Variants in SNTA1 observed in about 807,000 individuals in gnomAD.
SNTA1 encodes alpha-1-syntrophin.
Under a neutral mutation model 47.1 loss-of-function variants are expected in SNTA1, and 31 were observed. The ratio of observed to expected loss-of-function variants is 0.66; its 90% CI spans 0.49 to 0.89. SNTA1 has a LOEUF of 0.89. Ranked by LOEUF, SNTA1 falls within the 40% of genes least tolerant of loss-of-function variation. The pLI, the probability that SNTA1 is intolerant of heterozygous loss-of-function variation, is 0.00. For missense variants in SNTA1, 575 were observed against 693.0 expected (o/e 0.83, Z 1.91); for synonymous variants, 300 against 313.6 (o/e 0.96, Z 0.46).
intron 2 of SNTA1, among the ~76,000 whole-genome samples, chr20:33,435,336 G>A (rs1042676487): frequency 4.0e-5 from 6 of 149,850 alleles, no homozygotes; most frequent in African/African-American, 4.9e-5. Context: ...GGTGGCTCAC[G>A]TCTGTAATCC....
chr20:33,430,669 C>T (rs1025052299), intron 2 of SNTA1, among the ~76,000 whole-genome samples: 1 of 151,698 alleles, frequency 6.6e-6, no homozygotes, highest in South Asian at 2.1e-4. Context: ...GAGTTTTCGC[C>T]GGGCGCAGTG....
At chr20:33,413,042 GCT>G (rs1989784048) in intron 3 of SNTA1, among the ~76,000 whole-genome samples, 1 of 152,126 alleles carries the variant, frequency 6.6e-6, no homozygotes. Context: ...ACAGAGCCTC[GCT>G]CTGTCACCCA....
At chr20:33,419,308 A>G (rs1381376596) in intron 2 of SNTA1, among the ~76,000 whole-genome samples, 2 of 152,136 alleles carry the variant, frequency 1.3e-5, no homozygotes, top group African/African-American at 4.8e-5. Context: ...CTGTGAGTGG[A>G]CAGCCCAGGA....
intron 2 of SNTA1, among the ~76,000 whole-genome samples, chr20:33,436,888 C>A (rs1201635204): frequency 6.6e-6 from 1 of 150,920 alleles, no homozygotes; most frequent in South Asian, 2.1e-4. Flanking sequence ...ATCGCTTGAA[C>A]CTGGAAGGCG....
rs201913376 is a variant in SNTA1 at position 33,412,334 on chromosome 20, C to G, written c.1002G>C (p.Leu334=). ...YLSLPETREA[L]SRPARTAPLI... ...GTGGGGCAGTACGGGCTGGCCGGCT[C>G]AGGGCCTCGCGGGTCTCGGGGAGAG... Residue 334 remains leucine, a synonymous_variant, in exon 5 of 8, where the codon CTG becomes CTC. Transcript: ENST00000217381. 2 of 1,612,082 alleles carry G rather than the reference C, an allele frequency of 1.2e-6. No homozygotes were observed. The highest frequency in any genetic ancestry group is 4.5e-5 in the East Asian group (2 of 44,842).
chr20:33,416,387 A>T (rs753152870), intron 3 of SNTA1, among the ~76,000 whole-genome samples: 28 of 152,242 alleles, frequency 1.8e-4, no homozygotes, highest in Non-Finnish European at 2.9e-4. Context: ...CCATTTAGCC[A>T]CCACCATCAC....
intron 2 of SNTA1, among the ~76,000 whole-genome samples, chr20:33,418,830 A>G (rs1600845809): frequency 7.5e-6 from 1 of 133,512 alleles, no homozygotes; most frequent in Non-Finnish European, 1.5e-5. Flanking sequence ...AAAGACTCCC[A>G]GGCTGGGCAT....
chr20:33,434,715 T>C (rs1443249372), intron 2 of SNTA1, among the ~76,000 whole-genome samples: 1 of 151,760 alleles, frequency 6.6e-6, no homozygotes, highest in Non-Finnish European at 1.5e-5. Flanking sequence ...TTTTTTTTTT[T>C]CCTACAGAGA....
intron 2 of SNTA1, among the ~76,000 whole-genome samples, chr20:33,427,837 T>A (rs904566806): frequency 6.6e-6 from 1 of 152,128 alleles, no homozygotes; most frequent in African/African-American, 2.4e-5. Context: ...AGCTATATCC[T>A]TGGTGCCTGC....
chr20:33,436,353 T>C (rs1490349865), intron 2 of SNTA1, among the ~76,000 whole-genome samples: 1 of 152,172 alleles, frequency 6.6e-6, no homozygotes, highest in East Asian at 1.9e-4. Context: ...AAATATGACA[T>C]TTCGATGAAT....
At position 33,420,299 on chromosome 20, in the gene SNTA1, G is replaced by A. The variant is rs116831294; in HGVS notation, c.497-2376C>T. On this transcript the variant is annotated intron_variant, in intron 2 of 7. Transcript: ENST00000217381. ...GAAAGATGGAGAGACCTGAGTTTTC[G>A]ATGATACCATGAGCCCCTAAATTAA... Among the ~76,000 whole-genome samples the A allele has an allele frequency of 7.0e-3, 1,069 of 152,226 alleles. 12 individuals are homozygous for A. Among genetic ancestry groups the A allele is most frequent in the African/African-American group, 0.024 (1,017 of 41,550 alleles).
chr20:33,428,928 C>T (rs1466250452), intron 2 of SNTA1, among the ~76,000 whole-genome samples: 1 of 151,950 alleles, frequency 6.6e-6, no homozygotes, highest in African/African-American at 2.4e-5. Flanking sequence ...ATAATCCCAG[C>T]TACTTGGGAG....
chr20:33,411,290 A>C (rs1600838175), intron 5 of SNTA1, among the ~76,000 whole-genome samples: 2 of 151,904 alleles, frequency 1.3e-5, no homozygotes, highest in South Asian at 4.2e-4. Context: ...GACTTAACTC[A>C]GCATCTTGCT....
chr20:33,419,292 C>T lies in SNTA1; in HGVS notation c.497-1369G>A, dbSNP rs142996198. Among the ~76,000 whole-genome samples the T allele has an allele frequency of 2.6e-4, 39 of 152,272 alleles. No homozygotes were observed. In the East Asian group the frequency reaches 4.8e-3, roughly 19 times the overall value. On this transcript the variant is annotated intron_variant, in intron 2 of 7. Transcript: ENST00000217381. ...ACGTCTGCAGTCAAAGCCCAGCCAACGTGCCCTGTGAGTGGACAGCCCAGG... is the reference window on the plus strand; with the variant it reads ...ACGTCTGCAGTCAAAGCCCAGCCAATGTGCCCTGTGAGTGGACAGCCCAGG...
intron 3 of SNTA1, among the ~76,000 whole-genome samples, chr20:33,416,024 C>T (rs1190281183): frequency 1.3e-5 from 2 of 152,090 alleles, no homozygotes; most frequent in Non-Finnish European, 2.9e-5. Context: ...AGGAGAATCG[C>T]TTGAACCCGG....
At chr20:33,436,563 T>C (rs1293995670) in intron 2 of SNTA1, among the ~76,000 whole-genome samples, 7 of 152,084 alleles carry the variant, frequency 4.6e-5, no homozygotes, top group Non-Finnish European at 1.0e-4. Flanking sequence ...GCATCTAGAC[T>C]GGGCACTGTG....
At chr20:33,414,299 A>G (rs1190429327) in intron 3 of SNTA1, among the ~76,000 whole-genome samples, 5 of 150,884 alleles carry the variant, frequency 3.3e-5, no homozygotes, top group Non-Finnish European at 7.4e-5. Flanking sequence ...CAACAAAACT[A>G]AAGAGGCTTG....
At chr20:33,415,548 C>T (rs973143563) in intron 3 of SNTA1, among the ~76,000 whole-genome samples, 3 of 151,482 alleles carry the variant, frequency 2.0e-5, no homozygotes, top group Non-Finnish European at 1.5e-5. Flanking sequence ...TTTGGGAGGC[C>T]GAGGCAGGCA....
intron 2 of SNTA1, among the ~76,000 whole-genome samples, chr20:33,418,792 C>CAAAAAAA (rs760390793): frequency 1.7e-5 from 1 of 57,436 alleles, no homozygotes; most frequent in African/African-American, 9.6e-5. Flanking sequence ...GACTCTGTCT[C>CAAAAAAA]AAAAAAAAAA....
Sources: gnomAD v4.1 joint callset for allele counts (sites outside exome capture counted in the v4.1 genomes callset) on GRCh38, gnomAD v4.1.1 for gene constraint, MANE v1.5 for transcripts, NCBI Gene and HGNC (gene_info 2026-07-23, HGNC 2026-07-21) for gene names.